Variants in EYS observed in about 807,000 individuals in gnomAD.
The protein encoded by EYS is EGF-like photoreceptor maintenance factor, also known as protein eyes shut homolog.
EYS carries 250 observed loss-of-function variants against 282.1 expected under a neutral mutation model. That is an observed-to-expected ratio of 0.89 (90% CI 0.80 to 0.98). EYS has a LOEUF of 0.98. Ranked by LOEUF, EYS falls within the 50% of genes least tolerant of loss-of-function variation. The probability of loss-of-function intolerance (pLI) is 0.00; values close to 1 mark genes in which losing one functional copy is unlikely to be tolerated. For synonymous variants in EYS, 1,355 were observed against 1,282.9 expected (o/e 1.06, Z -1.20); for missense variants, 4,016 against 3,709.0 (o/e 1.08, Z -2.15).
chr6:63,997,371 C>A (rs1408661661), intron 34 of EYS, among the ~76,000 whole-genome samples: 1 of 152,130 alleles, frequency 6.6e-6, no homozygotes, highest in East Asian at 1.9e-4. Context: ...AGAATCTCAC[C>A]ACATATAGCC....
At chr6:63,829,174 T>C in intron 36 of EYS, among the ~76,000 whole-genome samples, 1 of 152,096 alleles carries the variant, frequency 6.6e-6, no homozygotes, top group East Asian at 1.9e-4. Flanking sequence ...ATACAGAAGA[T>C]GGGTAATTTC....
intron 31 of EYS, among the ~76,000 whole-genome samples, chr6:64,217,262 C>T (rs546772438): frequency 6.6e-6 from 1 of 152,206 alleles, no homozygotes; most frequent in African/African-American, 2.4e-5. Flanking sequence ...AGAATGGTGG[C>T]TCACACCTGT....
chr6:65,354,018 G>C (rs1454038029), intron 8 of EYS, among the ~76,000 whole-genome samples: 1 of 152,060 alleles, frequency 6.6e-6, no homozygotes, highest in Non-Finnish European at 1.5e-5. Flanking sequence ...TTAGACTTTT[G>C]CTATCATTTG....
At chr6:64,318,297 T>C (rs1388297383) in intron 29 of EYS, among the ~76,000 whole-genome samples, 1 of 152,038 alleles carries the variant, frequency 6.6e-6, no homozygotes, top group Non-Finnish European at 1.5e-5. Context: ...TATTTAATTC[T>C]CTCTCTGGCA....
intron 30 of EYS, among the ~76,000 whole-genome samples, chr6:64,250,103 C>T (rs1767158352): frequency 6.6e-6 from 1 of 152,134 alleles, no homozygotes; most frequent in African/African-American, 2.4e-5. Context: ...AAATTCAGTC[C>T]ATCTGGTTCT....
chr6:64,851,269 T>C (rs1481806740), intron 19 of EYS, among the ~76,000 whole-genome samples: 1 of 152,082 alleles, frequency 6.6e-6, no homozygotes, highest in Non-Finnish European at 1.5e-5. Flanking sequence ...AGAGTTTTCC[T>C]TGATGACATC....
At chr6:64,584,328 G>A (rs1766164964) in intron 26 of EYS, among the ~76,000 whole-genome samples, 1 of 151,772 alleles carries the variant, frequency 6.6e-6, no homozygotes. Flanking sequence ...TATAGGAAGA[G>A]AGAAACAATT....
intron 16 of EYS, among the ~76,000 whole-genome samples, chr6:64,906,445 G>C (rs1274223511): frequency 1.3e-5 from 2 of 152,128 alleles, no homozygotes; most frequent in African/African-American, 4.8e-5. Context: ...TTGTCAACAG[G>C]AGTAATTTCT....
intron 26 of EYS, among the ~76,000 whole-genome samples, chr6:64,587,973 C>A (rs1229083526): frequency 6.6e-6 from 1 of 151,898 alleles, no homozygotes; most frequent in Non-Finnish European, 1.5e-5. Context: ...ATTGTATCAC[C>A]AAGTTTTTCT....
chr6:64,342,386 C>A (rs1019499548), intron 29 of EYS, among the ~76,000 whole-genome samples: 8 of 151,830 alleles, frequency 5.3e-5, no homozygotes, highest in Non-Finnish European at 1.0e-4. Context: ...ACTCTACAAG[C>A]CAGAAGAGAG....
At chr6:65,555,612 C>T (rs1031768308) in intron 2 of EYS, among the ~76,000 whole-genome samples, 1 of 152,070 alleles carries the variant, frequency 6.6e-6, no homozygotes, top group Non-Finnish European at 1.5e-5. Context: ...CTTACAGAAG[C>T]TGGTTCAAAT....
chr6:65,526,191 C>A (rs1431694777), intron 2 of EYS, among the ~76,000 whole-genome samples: 1 of 152,046 alleles, frequency 6.6e-6, no homozygotes. Context: ...TTCTATTGAC[C>A]TTATCTAATC....
intron 33 of EYS, among the ~76,000 whole-genome samples, chr6:64,065,616 T>C (rs1771337766): frequency 6.6e-6 from 1 of 152,218 alleles, no homozygotes; most frequent in Non-Finnish European, 1.5e-5. Context: ...TACTGAGTTT[T>C]CTTTTTTTGT....
intron 36 of EYS, among the ~76,000 whole-genome samples, chr6:63,826,785 A>G (rs1215206967): frequency 6.6e-6 from 1 of 151,258 alleles, no homozygotes; most frequent in Non-Finnish European, 1.5e-5. Context: ...ACATCAAAAC[A>G]GAACCTCTTT....
At chr6:64,683,909 T>G (rs547402988) in intron 22 of EYS, among the ~76,000 whole-genome samples, 1 of 152,134 alleles carries the variant, frequency 6.6e-6, no homozygotes, top group Non-Finnish European at 1.5e-5. Flanking sequence ...GCAGCCAACC[T>G]CGCTGCCCAC....
At chr6:64,714,949 A>C (rs551905026) in intron 22 of EYS, among the ~76,000 whole-genome samples, 2 of 152,142 alleles carry the variant, frequency 1.3e-5, no homozygotes, top group Admixed American at 1.3e-4. Flanking sequence ...TCTAGTCTCA[A>C]ACTCTCCTGC....
At chr6:65,133,678 C>T (rs776335487) in intron 12 of EYS, among the ~76,000 whole-genome samples, 1 of 152,034 alleles carries the variant, frequency 6.6e-6, no homozygotes, top group Non-Finnish European at 1.5e-5. Flanking sequence ...TGGAAGACAA[C>T]ATAGGCAATA....
At chr6:63,830,435 G>T (rs1771597690) in intron 36 of EYS, among the ~76,000 whole-genome samples, 1 of 152,188 alleles carries the variant, frequency 6.6e-6, no homozygotes, top group African/African-American at 2.4e-5. Context: ...ACAAGCCTCA[G>T]TAGCCAATTT....
At chr6:64,174,497 T>C (rs574879883) in intron 31 of EYS, among the ~76,000 whole-genome samples, 19 of 151,848 alleles carry the variant, frequency 1.3e-4, no homozygotes, top group African/African-American at 4.6e-4. Flanking sequence ...ATTTTAAATC[T>C]AAAGCTCTAA....
Sources: allele counts gnomAD v4.1 joint callset (sites outside exome capture counted in the v4.1 genomes callset), GRCh38; gene constraint gnomAD v4.1.1; transcripts MANE v1.5; gene names NCBI Gene and HGNC (gene_info 2026-07-23, HGNC 2026-07-21).